The following SMG8 variants were observed in gnomAD, a reference collection of about 807,000 sequenced individuals.
The protein encoded by SMG8 is SMG8 nonsense mediated mRNA decay factor, also known as nonsense-mediated mRNA decay factor SMG8.
A neutral mutation model predicts 82.1 loss-of-function variants in SMG8; 49 were observed. The ratio of observed to expected loss-of-function variants is 0.60; its 90% CI spans 0.47 to 0.76. The LOEUF is 0.76. Ranked by LOEUF, SMG8 falls within the 30% of genes least tolerant of loss-of-function variation. The pLI, the probability that SMG8 is intolerant of heterozygous loss-of-function variation, is 0.00. For synonymous variants in SMG8, 404 were observed against 430.0 expected (o/e 0.94, Z 0.75); for missense variants, 969 against 1,166.4 (o/e 0.83, Z 2.46).
At position 59,212,961 on chromosome 17, in the gene SMG8, C is replaced by T; in HGVS notation, c.2138C>T (p.Pro713Leu). ...TDSLGTYPADPQAGGDNPEVH... is the reference protein window; with the variant it reads ...TDSLGTYPADLQAGGDNPEVH... ...AGCTTAGGTACCTATCCAGCTGATC[C>T]ACAAGCAGGAGGAGATAATCCAGAA... is the stretch of plus-strand genomic sequence containing the variant. The change falls in exon 3 of 4, where the codon CCA becomes CTA. Residue 713 changes from proline to leucine, a missense_variant. Physicochemically the swap from Pro to Leu is moderately conservative, Grantham distance 98. Transcript: ENST00000300917. The T allele has an allele frequency of 2.5e-6, 4 of 1,614,112 alleles. No homozygotes were observed. Among genetic ancestry groups the T allele is most frequent in the Non-Finnish European group, 3.4e-6 (4 of 1,180,040 alleles).
Position 59,213,459 on chromosome 17 carries a change from C to G in SMG8, c.2636C>G (p.Ala879Gly). 1 of 1,614,154 alleles carries G rather than the reference C, an allele frequency of 6.2e-7. No individual in the cohort carries two copies. The highest frequency in any genetic ancestry group is 8.5e-7 in the Non-Finnish European group (1 of 1,180,040). Residue 879 changes from alanine (A) to glycine (G), a missense_variant, in exon 3 of 4, where the codon GCT becomes GGT. Coordinates refer to ENST00000300917, the MANE Select transcript of SMG8 (RefSeq NM_018149.7). Reference sequence around the variant, plus strand: ...ATGGGAAGTGGGCCAAAGGAATCAGCTTTAAAAGCCCTAAATAGTGACATG... The same window carrying G: ...ATGGGAAGTGGGCCAAAGGAATCAGGTTTAAAAGCCCTAAATAGTGACATG... The part of the protein sequence containing the change: ...KVMGSGPKES[A>G]LKALNSDMPL...
rs116637376 is a variant in SMG8, at chr17:59,211,208, G to A, written c.1157G>A (p.Ser386Asn). The A allele has an allele frequency of 8.3e-4, 1,345 of 1,614,228 alleles. 16 individuals are homozygous for A. The African/African-American group carries it at 0.015, about 18-fold the overall frequency. ...CGATACCAGGTGATGAGGCAGCACA[G>A]CCGACAACAACTTTCCTTTCACATT... Reference protein sequence around the residue: ...PRRYQVMRQHSRQQLSFHIDS... With the variant: ...PRRYQVMRQHNRQQLSFHIDS... Residue 386 changes from serine to asparagine, a missense_variant, in exon 1 of 4, where the codon AGC (serine) becomes AAC (asparagine). Coordinates refer to ENST00000300917, the MANE Select transcript of SMG8 (RefSeq NM_018149.7).
Position 59,210,753 on chromosome 17 carries a change from A to T in SMG8, c.702A>T (p.Arg234Ser). The change falls in exon 1 of 4, where the codon AGA (arginine) becomes AGT (serine). Residue 234 changes from arginine (R) to serine (S), a missense_variant. Coordinates refer to ENST00000300917, the MANE Select transcript of SMG8 (RefSeq NM_018149.7). ...DRVFRALDGL[R>S]QKVLPLLKTA... ...TATTCAGAGCCCTGGATGGGCTGAG[A>T]CAGAAGGTCCTGCCGCTCCTTAAAA... 3 of 1,614,086 alleles carry T rather than the reference A, an allele frequency of 1.9e-6. No homozygotes were observed. The highest frequency in any genetic ancestry group is 2.5e-6 in the Non-Finnish European group (3 of 1,180,018).
chr17:59,211,984 C>A lies in SMG8; in HGVS notation c.1759+174C>A, dbSNP rs1226077082. On this transcript the variant is annotated intron_variant, in intron 1 of 3. Transcript: ENST00000300917. ...TGTAAAAGGAAAATATCAGCTATGACTACTTTCTTATTTTTTTTCATTTAA... is the reference window on the plus strand; with the variant it reads ...TGTAAAAGGAAAATATCAGCTATGAATACTTTCTTATTTTTTTTCATTTAA... The A allele has an allele frequency of 1.3e-5, 7 of 523,148 alleles. No homozygotes were observed. The African/African-American group carries it at 1.4e-4, about 10-fold the overall frequency. The allele number at this position is 523,148 out of a possible 1,614,324, so 32.4% of individuals were successfully genotyped here. A position where few individuals can be genotyped will look rare whatever the true frequency, so the allele number is the denominator to read the frequency against.
Position 59,213,023 on chromosome 17 carries a change from C to T in SMG8, c.2200C>T (p.Pro734Ser). ...GQVEVKTEKR[P>S]NFVDRQASTV... Reference sequence around the variant, plus strand: ...AGTAGAAGTGAAAACTGAGAAGAGGCCAAACTTCGTTGATCGACAGGCATC... The same window carrying T: ...AGTAGAAGTGAAAACTGAGAAGAGGTCAAACTTCGTTGATCGACAGGCATC... The change falls in exon 3 of 4, where the codon CCA (proline) becomes TCA (serine). Residue 734 changes from proline to serine, a missense_variant. Transcript: ENST00000300917. The T allele has an allele frequency of 6.2e-7, 1 of 1,614,124 alleles. No individual in the cohort carries two copies. The highest frequency in any genetic ancestry group is 1.3e-5 in the African/African-American group (1 of 75,012).
Position 59,211,528 on chromosome 17 carries a change from A to G in SMG8, c.1477A>G (p.Thr493Ala). The G allele has an allele frequency of 6.2e-7, 1 of 1,614,028 alleles. No individual in the cohort carries two copies. ...CTTGGAAGGATTTTTGGATATTGACACAAAATTCTCAGAAAACCGATGCCA... is the reference window on the plus strand; with the variant it reads ...CTTGGAAGGATTTTTGGATATTGACGCAAAATTCTCAGAAAACCGATGCCA... The part of the protein sequence containing the change: ...KVLEGFLDID[T>A]KFSENRCQKA... Residue 493 changes from threonine (T) to alanine (A), a missense_variant, in exon 1 of 4, where the codon ACA (threonine) becomes GCA (alanine). Thr to Ala is a moderately conservative substitution (Grantham distance 58). This residue lies in a region of SMG8 where 662 missense variants were observed against 884.8 expected (regional missense o/e 0.75). Coordinates refer to ENST00000300917, the MANE Select transcript of SMG8 (RefSeq NM_018149.7).
chr17:59,210,299 A>G lies in SMG8; in HGVS notation c.248A>G (p.Gln83Arg), dbSNP rs764465198. Residue 83 changes from glutamine (Q) to arginine (R), a missense_variant, in exon 1 of 4, where the codon CAA becomes CGA. Transcript: ENST00000300917. ...CAGGTCTTTCCTCTCTTTCGCCACC[A>G]AGATCCTGGGGATCCAGGACCTGGA... Reference protein sequence around the residue: ...DRQVFPLFRHQDPGDPGPGIR... With the variant: ...DRQVFPLFRHRDPGDPGPGIR... 3 of 1,613,122 alleles carry G rather than the reference A, an allele frequency of 1.9e-6. No homozygotes were observed. The highest frequency in any genetic ancestry group is 2.5e-6 in the Non-Finnish European group (3 of 1,179,748).
At chr17:59,214,698 G>T (rs528657664) in intron 3 of SMG8, 107 bp from the exon 4 acceptor site, 2 of 702,596 alleles carry the variant, frequency 2.8e-6, no homozygotes, top group South Asian at 3.5e-5. Flanking sequence ...TGAGCCACCA[G>T]GTCTGGCCTT....
intron 2 of SMG8, 29 bp from the exon 3 acceptor site, chr17:59,212,700 T>TA (rs751833658): frequency 3.2e-6 from 5 of 1,556,332 alleles, no homozygotes; most frequent in South Asian, 1.2e-5. Flanking sequence ...ATGAAAAACT[T>TA]ACTGGATTTT....
rs1415576962 is a variant in SMG8 at position 59,210,378 on chromosome 17, G to T, written c.327G>T (p.Gly109=). 6.2e-7 allele frequency: 1 copy of T among 1,610,464 alleles called. No individual in the cohort carries two copies. Among genetic ancestry groups the T allele is most frequent in the South Asian group, 1.1e-5 (1 of 90,654 alleles). The change falls in exon 1 of 4, where the codon GGG becomes GGT. Residue 109 remains glycine, a synonymous_variant. Coordinates refer to ENST00000300917, the MANE Select transcript of SMG8 (RefSeq NM_018149.7). ...AGGCCGGTGGAGCCGAGGACCCTGG[G>T]GCTGCAGCCGGGGGTTCAGTTCGGG... ...VGEAGGAEDP[G]AAAGGSVRGS... is the part of the protein sequence containing the mutation.
chr17:59,213,092 A>G lies in SMG8; in HGVS notation c.2269A>G (p.Lys757Glu), dbSNP rs1376842192. 1.2e-6 allele frequency: 2 copies of G among 1,614,086 alleles called. No individual in the cohort carries two copies. Among genetic ancestry groups the G allele is most frequent in the East Asian group, 2.2e-5 (1 of 44,902 alleles). Residue 757 changes from lysine (K) to glutamate (E), a missense_variant, in exon 3 of 4, where the codon AAA (lysine) becomes GAA (glutamate). By Grantham distance (56) the Lys-to-Glu change is moderately conservative (BLOSUM62 1). This residue lies in a region of SMG8 where 662 missense variants were observed against 884.8 expected (regional missense o/e 0.75). Coordinates refer to ENST00000300917, the MANE Select transcript of SMG8 (RefSeq NM_018149.7). ...AGGCATGCTACATTCAAATTGCCCT[A>G]AAGGTCTCCTACCCAAATTCTCCAG... is the stretch of plus-strand genomic sequence containing the variant. ...LPGMLHSNCP[K>E]GLLPKFSSWS...
rs779569614 is a variant in SMG8 at position 59,212,828 on chromosome 17, C to T, written c.2005C>T (p.Pro669Ser). The change falls in exon 3 of 4, where the codon CCT (proline) becomes TCT (serine). Residue 669 changes from proline to serine, a missense_variant. By Grantham distance (74) the Pro-to-Ser change is moderately conservative. Coordinates refer to ENST00000300917, the MANE Select transcript of SMG8 (RefSeq NM_018149.7). The stretch of plus-strand genomic sequence containing the variant: ...TGCTCCTGCTAAAAATGAATCCTCT[C>T]CTGCTCCTCCAGATTCGGATGCTGA... ...DPAPAKNESS[P>S]APPDSDADKL... The T allele has an allele frequency of 5.6e-6, 9 of 1,614,006 alleles. No individual in the cohort carries two copies. Among genetic ancestry groups the T allele is most frequent in the East Asian group, 4.5e-5 (2 of 44,894 alleles).
chr17:59,211,558 G>T lies in SMG8; in HGVS notation c.1507G>T (p.Ala503Ser), dbSNP rs1307857222. ...TKFSENRCQK[A>S]LPMAHSAYQS... is the part of the protein sequence containing the mutation. Reference sequence around the variant, plus strand: ...ATTCTCAGAAAACCGATGCCAAAAAGCTTTACCCATGGCCCACAGTGCCTA... The same window carrying T: ...ATTCTCAGAAAACCGATGCCAAAAATCTTTACCCATGGCCCACAGTGCCTA... Residue 503 changes from alanine (A) to serine (S), a missense_variant, in exon 1 of 4, where the codon GCT (alanine) becomes TCT (serine). Ala to Ser is a moderately conservative substitution (Grantham distance 99). Transcript: ENST00000300917. 1 of 1,614,126 alleles carries T rather than the reference G, an allele frequency of 6.2e-7. No homozygotes were observed. Among genetic ancestry groups the T allele is most frequent in the South Asian group, 1.1e-5 (1 of 91,076 alleles).
rs756230354 is a variant in SMG8, at chr17:59,211,669, A to G, written c.1618A>G (p.Arg540Gly). ...TCTTCGAGTGTACAGTCAACATGCT[A>G]GAGGTCCAGCATTTCACAAATACGC... is the stretch of plus-strand genomic sequence containing the variant. ...QALRVYSQHA[R>G]GPAFHKYAMQ... is the part of the protein sequence containing the mutation. The change falls in exon 1 of 4, where the codon AGA becomes GGA. Residue 540 changes from arginine to glycine, a missense_variant. Around this residue, in one of 3 missense-constraint regions of SMG8, gnomAD observed 662 missense variants for 884.8 expected, o/e 0.75. Coordinates refer to ENST00000300917, the MANE Select transcript of SMG8 (RefSeq NM_018149.7). 1 of 1,613,986 alleles carries G rather than the reference A, an allele frequency of 6.2e-7. No individual in the cohort carries two copies. Among genetic ancestry groups the G allele is most frequent in the Admixed American group, 1.7e-5 (1 of 59,964 alleles).
chr17:59,212,124 T>C (rs2046948356), intron 1 of SMG8: 7 of 433,930 alleles, frequency 1.6e-5, no homozygotes, highest in Non-Finnish European at 2.8e-5. Flanking sequence ...AATGTTATGT[T>C]AGATGATGGT....
At position 59,213,487 on chromosome 17, in the gene SMG8, C is replaced by T; in HGVS notation, c.2664C>T (p.Pro888=). The change falls in exon 3 of 4, where the codon CCC becomes CCT. Residue 888 remains proline (P), a synonymous_variant. Transcript: ENST00000300917. ...TAAAAGCCCTAAATAGTGACATGCC[C>T]TTATATATTCTGTCATCCTCTCAAG... The part of the protein sequence containing the change: ...SALKALNSDM[P]LYILSSSQGR... 6.2e-7 allele frequency: 1 copy of T among 1,614,162 alleles called. No individual in the cohort carries two copies. The highest frequency in any genetic ancestry group is 8.5e-7 in the Non-Finnish European group (1 of 1,180,028).
At position 59,211,313 on chromosome 17, in the gene SMG8, T is replaced by C; in HGVS notation, c.1262T>C (p.Val421Ala). 13 of 1,614,116 alleles carry C rather than the reference T, an allele frequency of 8.1e-6. No homozygotes were observed. Among genetic ancestry groups the C allele is most frequent in the Non-Finnish European group, 1.1e-5 (13 of 1,180,000 alleles). The change falls in exon 1 of 4, where the codon GTT becomes GCT. Residue 421 changes from valine to alanine, a missense_variant. Physicochemically the swap from Val to Ala is moderately conservative, Grantham distance 64. Around this residue, in one of 3 missense-constraint regions of SMG8, gnomAD observed 662 missense variants for 884.8 expected, o/e 0.75. Transcript: ENST00000300917. ...TTCCTATGGCAGCATGTGGAGCTAGTTCTAAGCAAGAAAGGTTTCGATGAC... is the reference window on the plus strand; with the variant it reads ...TTCCTATGGCAGCATGTGGAGCTAGCTCTAAGCAAGAAAGGTTTCGATGAC... ...REFLWQHVELVLSKKGFDDSV... is the reference protein window; with the variant it reads ...REFLWQHVELALSKKGFDDSV...
chr17:59,210,048 C>T lies in SMG8; in HGVS notation c.-4C>T, dbSNP rs756741754. On this transcript the variant is annotated 5_prime_UTR_variant, in exon 1 of 4. Coordinates refer to ENST00000300917, the MANE Select transcript of SMG8 (RefSeq NM_018149.7). ...CGGAAGGACTCTAGAGAACGCTCTGCACTATGGCTGGTCCCGTGAGCTTGC... is the reference window on the plus strand; with the variant it reads ...CGGAAGGACTCTAGAGAACGCTCTGTACTATGGCTGGTCCCGTGAGCTTGC... 33 of 1,546,470 alleles carry T rather than the reference C, an allele frequency of 2.1e-5. No homozygotes were observed. The highest frequency in any genetic ancestry group is 2.7e-5 in the Non-Finnish European group (31 of 1,154,154).
chr17:59,211,405 G>C lies in SMG8; in HGVS notation c.1354G>C (p.Ala452Pro), dbSNP rs367951172. The change falls in exon 1 of 4, where the codon GCT becomes CCT. Residue 452 changes from alanine (A) to proline (P), a missense_variant. Coordinates refer to ENST00000300917, the MANE Select transcript of SMG8 (RefSeq NM_018149.7). ...TACTTATCAGAAGTGGATCTCAGCA[G>C]CTTCAAAACTGTATGAGGTGGCTAT... ...LPTYQKWISA[A>P]SKLYEVAIDG... 308 of 1,614,102 alleles carry C rather than the reference G, an allele frequency of 1.9e-4. No individual in the cohort carries two copies. Among genetic ancestry groups the C allele is most frequent in the Non-Finnish European group, 2.5e-4 (296 of 1,180,042 alleles).
Sources: allele counts gnomAD v4.1 joint callset, GRCh38; gene constraint gnomAD v4.1.1; regional missense constraint gnomAD v4.1.1; transcripts MANE v1.5; gene names NCBI Gene and HGNC (gene_info 2026-07-23, HGNC 2026-07-21).